The following DMD variants were observed in gnomAD, a reference collection of about 807,000 sequenced individuals.
The protein encoded by DMD is dystrophin.
In DMD, 63 loss-of-function variants were observed where a neutral mutation model predicts 330.1. The observed-to-expected ratio is 0.19, with a 90% CI of 0.16 to 0.24. The LOEUF (loss-of-function observed/expected upper bound fraction) is 0.24. DMD is among the 10% of genes least tolerant of loss of function. The pLI, the probability that DMD is intolerant of heterozygous loss-of-function variation, is 1.00. For synonymous variants in DMD, 1,223 were observed against 959.8 expected (o/e 1.27, Z -5.07); for missense variants, 3,344 against 2,684.1 (o/e 1.25, Z -5.43).
At chrX:32,365,300 TTTTAAACC>T (rs2097850744) in intron 34 of DMD, 101 bp from the exon 35 acceptor site, 18 of 808,823 alleles carry the variant, frequency 2.2e-5, no homozygotes, top group Non-Finnish European at 3.1e-5. Flanking sequence ...TTCTGCAAGG[TTTTAAACC>T]TATAACTATG....
chrX:32,709,894 A>T (rs1878323803), intron 7 of DMD, among the ~76,000 whole-genome samples: 1 of 111,685 alleles, frequency 9.0e-6, no homozygotes, highest in Non-Finnish European at 1.9e-5. Context: ...AATGACTGAG[A>T]AGTAGTAGGT....
intron 7 of DMD, among the ~76,000 whole-genome samples, chrX:32,798,378 G>A (rs1252087388): frequency 8.9e-6 from 1 of 111,734 alleles, no homozygotes; most frequent in Non-Finnish European, 1.9e-5. Context: ...ATAACATCAA[G>A]AGAACACACT....
intron 41 of DMD, among the ~76,000 whole-genome samples, chrX:32,331,791 G>C (rs1471392857): frequency 2.7e-5 from 3 of 111,557 alleles, no homozygotes; most frequent in Non-Finnish European, 5.7e-5. Flanking sequence ...AGTCATTTGA[G>C]ACAATATTCA....
At chrX:31,371,467 T>A (rs1372043844) in intron 60 of DMD, among the ~76,000 whole-genome samples, 2 of 111,747 alleles carry the variant, frequency 1.8e-5, no homozygotes, top group African/African-American at 6.5e-5. Context: ...TTATTTTTTA[T>A]TAAAAAACAA....
chrX:31,128,940 C>T (rs768243373), intron 77 of DMD, among the ~76,000 whole-genome samples: 47 of 111,967 alleles, frequency 4.2e-4, no homozygotes, highest in African/African-American at 6.2e-4. Context: ...AGTTCTTGAC[C>T]GATAAATAAA....
intron 2 of DMD, among the ~76,000 whole-genome samples, chrX:32,992,642 AG>A (rs2093006229): frequency 9.0e-6 from 1 of 111,030 alleles, no homozygotes; most frequent in Admixed American, 9.7e-5. Context: ...ACTGTTGGCC[AG>A]GTGGGGTAAT....
chrX:31,652,743 C>A (rs1239750333), intron 54 of DMD, among the ~76,000 whole-genome samples: 4 of 111,429 alleles, frequency 3.6e-5, no homozygotes, highest in Non-Finnish European at 7.5e-5. Context: ...TACAAAGTCA[C>A]TGATGATCTT....
chrX:31,263,718 A>C (rs1432002230), intron 62 of DMD, among the ~76,000 whole-genome samples: 1 of 112,658 alleles, frequency 8.9e-6, no homozygotes, highest in Non-Finnish European at 1.9e-5. Flanking sequence ...GCAATGCAAA[A>C]GAACTAGAAA....
chrX:31,774,199 T>C lies in DMD; in HGVS notation c.7310-7A>G, dbSNP rs373230021. ...GTAACAGTCTGAGTAGGAGCTAAAA[T>C]ATTTTGGGTTTTTGCAAAAAGGAAA... On this transcript the variant is annotated splice_polypyrimidine_tract_variant and splice_region_variant and intron_variant, in intron 50 of 78. Coordinates refer to ENST00000357033, the MANE Select transcript of DMD (RefSeq NM_004006.3). 3.0e-4 allele frequency: 358 copies of C among 1,187,293 alleles called. No homozygotes were observed. Among genetic ancestry groups the C allele is most frequent in the Non-Finnish European group, 3.9e-4 (342 of 878,045 alleles).
At position 31,820,042 on chromosome X, in the gene DMD, G is replaced by C; in HGVS notation, c.7242C>G (p.Asn2414Lys). 1 of 1,211,450 alleles carries C rather than the reference G, an allele frequency of 8.3e-7. No homozygotes were observed. Among genetic ancestry groups the C allele is most frequent in the Non-Finnish European group, 1.1e-6 (1 of 895,309 alleles). Residue 2414 changes from asparagine (N) to lysine (K), a missense_variant, in exon 50 of 79, where the codon AAC (asparagine) becomes AAG (lysine). By Grantham distance (94) the Asn-to-Lys change is moderately conservative (BLOSUM62 0). Transcript: ENST00000357033. Reference sequence around the variant, plus strand: ...TTGCCCTCAGCTCTTGAAGTAAACGGTTTACCGCCTTCCACTCAGAGCTCA... The same window carrying C: ...TTGCCCTCAGCTCTTGAAGTAAACGCTTTACCGCCTTCCACTCAGAGCTCA... ...EDLSSEWKAV[N>K]RLLQELRAKQ...
At chrX:31,242,154 G>A (rs774230142) in intron 63 of DMD, among the ~76,000 whole-genome samples, 10 of 106,709 alleles carry the variant, frequency 9.4e-5, no homozygotes, top group Middle Eastern at 4.8e-3. Context: ...TGCCTGGGGG[G>A]CTGAGGCAGG....
intron 55 of DMD, among the ~76,000 whole-genome samples, chrX:31,525,593 G>T (rs1051456376): frequency 3.6e-5 from 4 of 111,860 alleles, no homozygotes; most frequent in African/African-American, 1.3e-4. Context: ...TAGTTACTGT[G>T]CTTTCAAGTA....
chrX:32,635,893 T>C (rs924275516), intron 11 of DMD, among the ~76,000 whole-genome samples: 3 of 111,808 alleles, frequency 2.7e-5, no homozygotes, highest in Non-Finnish European at 5.6e-5. Flanking sequence ...CCTCTAGTTC[T>C]CATGCTAACT....
chrX:32,736,987 T>G (rs961542639), intron 7 of DMD, among the ~76,000 whole-genome samples: 1 of 111,371 alleles, frequency 9.0e-6, no homozygotes, highest in Admixed American at 9.6e-5. Context: ...TAACCACATA[T>G]ATATCCAAAT....
chrX:32,212,278 T>C (rs1238112171), intron 44 of DMD, among the ~76,000 whole-genome samples: 1 of 111,999 alleles, frequency 8.9e-6, no homozygotes, highest in Non-Finnish European at 1.9e-5. Context: ...TAAGGTTTTA[T>C]GAAATTTCCA....
At chrX:32,394,911 A>AAACAAAAAC (rs1173004847) in intron 30 of DMD, among the ~76,000 whole-genome samples, 12,802 of 41,431 alleles carry the variant, frequency 0.31, 2,831 homozygotes, top group East Asian at 0.45. Flanking sequence ...CAAAAAACAA[A>AAACAAAAAC]AAAACAAAAA....
chrX:31,749,098 G>C, intron 51 of DMD, among the ~76,000 whole-genome samples: 1 of 109,509 alleles, frequency 9.1e-6, no homozygotes, highest in Non-Finnish European at 1.9e-5. Context: ...TTAGGATCAG[G>C]ATAGCATTTG....
intron 57 of DMD, among the ~76,000 whole-genome samples, chrX:31,492,196 T>C (rs948714378): frequency 8.9e-6 from 1 of 112,532 alleles, no homozygotes; most frequent in African/African-American, 3.2e-5. Context: ...CATGGCAAAG[T>C]AAAACAAAAG....
rs374343487 is a variant in DMD at position 32,575,043 on chromosome X, A to T, written c.1603-1197T>A. ...CTCCCCAGTAGCTGAGATTACAGGC[A>T]TCCACCACCATGTCTGGCTAATTTT... is the stretch of plus-strand genomic sequence containing the variant. On this transcript the variant is annotated intron_variant, in intron 13 of 78. Transcript: ENST00000357033. Among the ~76,000 whole-genome samples the T allele has an allele frequency of 3.6e-5, 4 of 110,611 alleles. No homozygotes were observed. In the East Asian group the frequency reaches 1.1e-3, roughly 32 times the overall value.
Sources: gnomAD v4.1 joint callset for allele counts (sites outside exome capture counted in the v4.1 genomes callset) on GRCh38, gnomAD v4.1.1 for gene constraint, MANE v1.5 for transcripts, NCBI Gene and HGNC (gene_info 2026-07-23, HGNC 2026-07-21) for gene names.